Variants in VWCE observed in about 807,000 individuals in gnomAD.
VWCE encodes the protein von Willebrand factor C and EGF domains.
In VWCE, 68 loss-of-function variants were observed where a neutral mutation model predicts 102.9. The observed-to-expected ratio is 0.66, with a 90% CI of 0.54 to 0.81. VWCE has a LOEUF of 0.81. Ranked by LOEUF, VWCE falls within the 30% of genes least tolerant of loss-of-function variation. The pLI, the probability that VWCE is intolerant of heterozygous loss-of-function variation, is 0.00. For missense variants in VWCE, 1,137 were observed against 1,263.6 expected, an observed-to-expected ratio of 0.90 and a Z score of 1.52; for synonymous variants, 497 against 515.4, an observed-to-expected ratio of 0.96 and a Z score of 0.48.
At chr11:61,268,424 G>C (rs1854574797) in intron 15 of VWCE, among the ~76,000 whole-genome samples, 1 of 152,052 alleles carries the variant, frequency 6.6e-6, no homozygotes, top group Non-Finnish European at 1.5e-5. Context: ...CATGGTGGTG[G>C]GCACCTGTGA....
Position 61,274,570 on chromosome 11 carries a change from G to A in VWCE, c.1510C>T (p.His504Tyr). 6.2e-7 allele frequency: 1 copy of A among 1,613,804 alleles called. No individual in the cohort carries two copies. Among genetic ancestry groups the A allele is most frequent in the Non-Finnish European group, 8.5e-7 (1 of 1,179,908 alleles). ...CTCVPVRCYF[H>Y]GRWYADGAVF... ...GCCCCGTCTGCGTACCACCGGCCGT[G>A]GAAATAGCATCTCACTGCAGAGGAG... is the stretch of plus-strand genomic sequence containing the variant. Residue 504 changes from histidine (H) to tyrosine (Y), a missense_variant, in exon 12 of 20, where the codon CAC becomes TAC. By Grantham distance (83) the His-to-Tyr change is moderately conservative. Around this residue, in one of 5 missense-constraint regions of VWCE, gnomAD observed 212 missense variants for 235.1 expected, o/e 0.90. Coordinates refer to ENST00000335613, the MANE Select transcript of VWCE (RefSeq NM_152718.2).
intron 6 of VWCE, among the ~76,000 whole-genome samples, chr11:61,282,172 T>C (rs1404842691): frequency 6.6e-6 from 1 of 152,144 alleles, no homozygotes; most frequent in African/African-American, 2.4e-5. Context: ...TATGCAGCGG[T>C]AATTAATTGC....
In VWCE at chr11:61,276,638, G is replaced by A. The variant is rs1247099522; in HGVS notation, c.1450C>T (p.Pro484Ser). Residue 484 changes from proline to serine, a missense_variant, in exon 11 of 20, where the codon CCC (proline) becomes TCC (serine). Transcript: ENST00000335613. ...TCCGTCTGTGGGGGGGTCTGACAGG[G>A]GCCAGAAGGACACTCAGGAGAGATG... ...SCISPECPSG[P>S]CQTPPQTDCC... 2 of 1,608,500 alleles carry A rather than the reference G, an allele frequency of 1.2e-6. No individual in the cohort carries two copies. The highest frequency in any genetic ancestry group is 1.7e-6 in the Non-Finnish European group (2 of 1,177,450).
At chr11:61,286,723 C>A (rs2134838069) in intron 4 of VWCE, among the ~76,000 whole-genome samples, 1 of 152,154 alleles carries the variant, frequency 6.6e-6, no homozygotes, top group East Asian at 1.9e-4. Flanking sequence ...ATCGCTTGAA[C>A]CCAGGAGGCG....
At chr11:61,284,845 G>C (rs1178545070) in intron 5 of VWCE, among the ~76,000 whole-genome samples, 1 of 152,038 alleles carries the variant, frequency 6.6e-6, no homozygotes, top group African/African-American at 2.4e-5. Flanking sequence ...CTACTTGGGA[G>C]GGTTGGAGGA....
intron 14 of VWCE, among the ~76,000 whole-genome samples, chr11:61,269,917 A>AC (rs1854624316): frequency 7.8e-6 from 1 of 128,520 alleles, no homozygotes; most frequent in Non-Finnish European, 1.7e-5. Flanking sequence ...AGCTTACAGC[A>AC]TTTTTTTTTT....
chr11:61,282,044 G>A, intron 6 of VWCE, 130 bp from the exon 7 acceptor site: 1 of 1,381,818 alleles, frequency 7.2e-7, no homozygotes, highest in Non-Finnish European at 9.6e-7. Flanking sequence ...CCTGCCCCGA[G>A]GTGCGGGATG....
chr11:61,281,337 C>T, intron 7 of VWCE, 102 bp from the exon 8 acceptor site: 1 of 1,392,364 alleles, frequency 7.2e-7, no homozygotes, highest in Non-Finnish European at 9.9e-7. Context: ...TCCCTGTTCA[C>T]CCCCCGTGGT....
chr11:61,284,432 G>C (rs1246736109), intron 5 of VWCE, among the ~76,000 whole-genome samples: 2 of 152,184 alleles, frequency 1.3e-5, no homozygotes, highest in Non-Finnish European at 2.9e-5. Flanking sequence ...GCCCATGTAC[G>C]TACGTACACA....
At chr11:61,259,452 TGC>T in intron 19 of VWCE, 140 bp from the exon 20 acceptor site, 4 of 1,109,856 alleles carry the variant, frequency 3.6e-6, no homozygotes, top group Middle Eastern at 3.1e-4. Flanking sequence ...AGCCAGCTCC[TGC>T]CTCCAGGAAG....
At chr11:61,267,581 G>C (rs1458099632) in intron 15 of VWCE, 37 bp from the exon 16 acceptor site, 2 of 1,606,488 alleles carry the variant, frequency 1.2e-6, no homozygotes, top group East Asian at 2.2e-5. Flanking sequence ...CCAGCTGGGA[G>C]TGGCCAGGCA....
At position 61,280,998 on chromosome 11, in the gene VWCE, G is replaced by A. The variant is rs1349342707; in HGVS notation, c.1025C>T (p.Ala342Val). The change falls in exon 8 of 20, where the codon GCC becomes GTC. Residue 342 changes from alanine to valine, a missense_variant. Physicochemically the swap from Ala to Val is moderately conservative, Grantham distance 64 (BLOSUM62 0). Transcript: ENST00000335613. ...APVWLLSTLL[A>V]TPVPTASLLG... is the part of the protein sequence containing the mutation. ...CAGGGAGGCAGTAGGCACTGGGGTG[G>A]CCAGCAGGGTGGACAGCAGCCACAC... 6.4e-7 allele frequency: 1 copy of A among 1,555,618 alleles called. No homozygotes were observed. Among genetic ancestry groups the A allele is most frequent in the South Asian group, 1.2e-5 (1 of 80,996 alleles).
rs1268687862 is a variant in VWCE, at chr11:61,286,550, C to G, written c.425-120G>C. On this transcript the variant is annotated intron_variant, in intron 4 of 19. Transcript: ENST00000335613. Reference sequence around the variant, plus strand: ...GGGCATGGTGGCTCACGCCTGTAATCCCAGCACTTTGGGAGGCCGAGGCCC... The same window carrying G: ...GGGCATGGTGGCTCACGCCTGTAATGCCAGCACTTTGGGAGGCCGAGGCCC... 4 of 899,850 alleles carry G rather than the reference C, an allele frequency of 4.4e-6. No individual in the cohort carries two copies. The East Asian group carries it at 8.0e-5, about 18-fold the overall frequency. The allele number at this position is 899,850 out of a possible 1,614,324, so 55.7% of individuals were successfully genotyped here.
chr11:61,267,314 G>A (rs1325696486), intron 16 of VWCE, 148 bp downstream of exon 16: 4 of 759,596 alleles, frequency 5.3e-6, no homozygotes, highest in Admixed American at 2.4e-5. Context: ...GGGTCACCCT[G>A]GGCAGGACTG....
At chr11:61,265,276 A>G (rs1165847148) in intron 16 of VWCE, 64 bp from the exon 17 acceptor site, 1 of 1,366,084 alleles carries the variant, frequency 7.3e-7, no homozygotes, top group African/African-American at 1.5e-5. Context: ...ACTCAGGAAG[A>G]TGCCGCTCCT....
chr11:61,271,631 G>T (rs78735340), intron 14 of VWCE, 44 bp downstream of exon 14: 1 of 1,562,498 alleles, frequency 6.4e-7, no homozygotes, highest in East Asian at 2.3e-5. Flanking sequence ...GGTGAGGCGG[G>T]GCAGCCAGGT....
Position 61,286,329 on chromosome 11 carries a change from G to C in VWCE, c.526C>G (p.Arg176Gly). ...CGPGMQLSADRHSCQDTDECL... is the reference protein window; with the variant it reads ...CGPGMQLSADGHSCQDTDECL... ...TGCAGCTCACCTTGGCAGCTGTGGC[G>C]GTCGGCAGACAGCTGCATGCCCGGC... Residue 176 changes from arginine to glycine, a missense_variant, in exon 5 of 20, where the codon CGC becomes GGC. Transcript: ENST00000335613. 11 of 1,609,090 alleles carry C rather than the reference G, an allele frequency of 6.8e-6. No homozygotes were observed. Among genetic ancestry groups the C allele is most frequent in the Non-Finnish European group, 9.3e-6 (11 of 1,179,992 alleles).
At chr11:61,266,076 T>G (rs904391526) in intron 16 of VWCE, among the ~76,000 whole-genome samples, 4 of 151,826 alleles carry the variant, frequency 2.6e-5, no homozygotes, top group African/African-American at 9.7e-5. Context: ...AATAATTATT[T>G]TTTTCATCCA....
intron 7 of VWCE, among the ~76,000 whole-genome samples, chr11:61,281,438 C>T (rs1033412796): frequency 1.3e-5 from 2 of 152,010 alleles, no homozygotes; most frequent in Non-Finnish European, 2.9e-5. Flanking sequence ...CCAGGATACT[C>T]GGACTCCTGT....
Sources: gnomAD v4.1 joint callset for allele counts (sites outside exome capture counted in the v4.1 genomes callset) on GRCh38, gnomAD v4.1.1 for gene constraint, gnomAD v4.1.1 regional missense constraint, MANE v1.5 for transcripts, NCBI Gene and HGNC (gene_info 2026-07-23, HGNC 2026-07-21) for gene names.